The following ARFGEF1 variants were observed in gnomAD, a reference collection of about 807,000 sequenced individuals.
The protein encoded by ARFGEF1 is ARF guanine nucleotide exchange factor 1.
In ARFGEF1, 42 loss-of-function variants were observed where a neutral mutation model predicts 231.0. The observed-to-expected ratio is 0.18, with a 90% CI of 0.14 to 0.24. The LOEUF is 0.24. Among genes scored for constraint, ARFGEF1 ranks in the 10% least tolerant of loss-of-function variants. The pLI, the probability that ARFGEF1 is intolerant of heterozygous loss-of-function variation, is 1.00. For synonymous variants in ARFGEF1, 710 were observed against 732.3 expected (o/e 0.97, Z 0.49); for missense variants, 1,345 against 2,192.0 (o/e 0.61, Z 7.72).
At chr8:67,175,312 T>G, downstream of ARFGEF1, 1 of 1,610,172 alleles carries the variant, frequency 6.2e-7, no homozygotes. Flanking sequence ...AAACACGAGT[T>G]GATCTGAAAT....
At chr8:67,284,279 T>C (rs1805658098) in intron 7 of ARFGEF1, among the ~76,000 whole-genome samples, 1 of 152,142 alleles carries the variant, frequency 6.6e-6, no homozygotes, top group African/African-American at 2.4e-5. Context: ...AAAAACGCCT[T>C]TGCTTACATC....
intron 29 of ARFGEF1, among the ~76,000 whole-genome samples, chr8:67,222,676 C>T (rs1230672572): frequency 6.6e-6 from 1 of 152,170 alleles, no homozygotes; most frequent in African/African-American, 2.4e-5. Context: ...GTCTTGAACT[C>T]CTGACCTCAG....
intron 14 of ARFGEF1, among the ~76,000 whole-genome samples, chr8:67,261,457 G>T (rs1274135056): frequency 6.6e-6 from 1 of 152,176 alleles, no homozygotes; most frequent in Non-Finnish European, 1.5e-5. Context: ...AACAAAGCCT[G>T]GATGACAGCA....
chr8:67,209,393 TA>T (rs1464378526), intron 34 of ARFGEF1, among the ~76,000 whole-genome samples: 2 of 152,104 alleles, frequency 1.3e-5, no homozygotes, highest in African/African-American at 2.4e-5. Context: ...CAAACACAGC[TA>T]ATTAGTGGCT....
intron 5 of ARFGEF1, among the ~76,000 whole-genome samples, chr8:67,186,141 A>G (rs113707195): frequency 0.018 from 2,797 of 152,352 alleles, 94 homozygotes; most frequent in African/African-American, 0.065. Flanking sequence ...AAAATTTTCC[A>G]TCATTTCATT....
chr8:67,250,185 A>G (rs749896299), intron 19 of ARFGEF1, among the ~76,000 whole-genome samples: 32 of 152,172 alleles, frequency 2.1e-4, no homozygotes, highest in Non-Finnish European at 3.1e-4. Context: ...AAGCCAATAA[A>G]AAGCTTCAAG....
intron 1 of ARFGEF1, among the ~76,000 whole-genome samples, chr8:67,318,873 C>T (rs1380007694): frequency 1.3e-5 from 2 of 152,044 alleles, no homozygotes; most frequent in Non-Finnish European, 2.9e-5. Context: ...CTTGGGAGGC[C>T]AAGGCAGGAG....
chr8:67,331,013 G>C (rs1808073910), intron 1 of ARFGEF1, among the ~76,000 whole-genome samples: 1 of 151,792 alleles, frequency 6.6e-6, no homozygotes, highest in Non-Finnish European at 1.5e-5. Flanking sequence ...ATGAGCATTA[G>C]AAAACTTAAA....
intron 9 of ARFGEF1, among the ~76,000 whole-genome samples, chr8:67,272,202 T>C (rs7844125): frequency 0.34 from 51,152 of 151,984 alleles, 8,981 homozygotes; most frequent in African/African-American, 0.43. Context: ...GACAGAGTCT[T>C]GCTCTGTCAC....
At chr8:67,250,311 C>G (rs958888812) in intron 19 of ARFGEF1, among the ~76,000 whole-genome samples, 4 of 152,136 alleles carry the variant, frequency 2.6e-5, no homozygotes, top group African/African-American at 9.7e-5. Flanking sequence ...CCGCAGTAAT[C>G]TGAGGGAGAA....
At chr8:67,278,634 T>G (rs1587200533) in intron 7 of ARFGEF1, among the ~76,000 whole-genome samples, 1 of 152,006 alleles carries the variant, frequency 6.6e-6, no homozygotes, top group East Asian at 1.9e-4. Flanking sequence ...GATCACGAGG[T>G]CAGGAGTTCG....
chr8:67,296,524 G>T lies in ARFGEF1; in HGVS notation c.546C>A (p.Tyr182Ter). Residue 182 changes from tyrosine to a stop codon, truncating the protein, a stop_gained, in exon 5 of 39, where the codon TAC becomes TAA. Coordinates refer to ENST00000262215, the MANE Select transcript of ARFGEF1 (RefSeq NM_006421.5). LOFTEE classifies it high-confidence loss of function. The part of the protein sequence containing the change: ...LQAVRTCYNI[Y>*]LASKNLINQT... ...GATTGATGAGATTTTTGCTTGCTAA[G>T]TAGATATTGTAACATGTTCTCACAG... 1 of 1,613,844 alleles carries T rather than the reference G, an allele frequency of 6.2e-7. No individual in the cohort carries two copies. Among genetic ancestry groups the T allele is most frequent in the Non-Finnish European group, 8.5e-7 (1 of 1,179,952 alleles).
intron 9 of ARFGEF1, 143 bp downstream of exon 9, chr8:67,275,833 A>G (rs1805290486): frequency 3.2e-6 from 3 of 925,404 alleles, no homozygotes; most frequent in Admixed American, 2.9e-5. Flanking sequence ...TTTTTTCTTA[A>G]ACGTAAAATA....
At chr8:67,304,653 C>G (rs1806653082) in intron 1 of ARFGEF1, among the ~76,000 whole-genome samples, 1 of 152,114 alleles carries the variant, frequency 6.6e-6, no homozygotes, top group African/African-American at 2.4e-5. Flanking sequence ...ATGGTGAAAC[C>G]CCATGAAATA....
chr8:67,216,236 G>C (rs1838926535), intron 33 of ARFGEF1, among the ~76,000 whole-genome samples: 1 of 152,112 alleles, frequency 6.6e-6, no homozygotes, highest in Non-Finnish European at 1.5e-5. Context: ...CAATGCAACA[G>C]TATCAAGAGG....
chr8:67,287,451 A>G (rs968961818), intron 7 of ARFGEF1, among the ~76,000 whole-genome samples: 1 of 152,152 alleles, frequency 6.6e-6, no homozygotes, highest in African/African-American at 2.4e-5. Context: ...TCTGCTTTGT[A>G]CTTTTTCACT....
downstream of ARFGEF1, among the ~76,000 whole-genome samples, chr8:67,195,122 T>TG (rs1837625894): frequency 6.6e-6 from 1 of 152,224 alleles, no homozygotes; most frequent in Non-Finnish European, 1.5e-5. Context: ...AGAATCCCTC[T>TG]GGTTGCTAGT....
chr8:67,266,265 A>G, intron 13 of ARFGEF1, 58 bp from the exon 14 acceptor site: 1 of 1,407,734 alleles, frequency 7.1e-7, no homozygotes, highest in Non-Finnish European at 9.8e-7. Flanking sequence ...AAAAAGTGTA[A>G]GGGCAAACAA....
At chr8:67,196,185 T>G (rs577497131), downstream of ARFGEF1, 1 of 152,406 alleles carries the variant, frequency 6.6e-6, no homozygotes, top group East Asian at 1.9e-4. Flanking sequence ...TTTATGCCAA[T>G]GAAGGCATTT....
Sources: allele counts gnomAD v4.1 joint callset (sites outside exome capture counted in the v4.1 genomes callset), GRCh38; gene constraint gnomAD v4.1.1; transcripts MANE v1.5; gene names NCBI Gene and HGNC (gene_info 2026-07-23, HGNC 2026-07-21).